The following IRF8 variants were observed in gnomAD, a reference collection of about 807,000 sequenced individuals.
IRF8 encodes interferon regulatory factor 8.
Under a neutral mutation model 48.7 loss-of-function variants are expected in IRF8, and 14 were observed. The observed-to-expected ratio is 0.29, with a 90% CI of 0.19 to 0.45. The LOEUF (loss-of-function observed/expected upper bound fraction) is 0.45. IRF8 is among the 20% of genes least tolerant of loss of function. The pLI is 1.00. For missense variants in IRF8, 493 were observed against 580.7 expected (o/e 0.85, Z 1.55); for synonymous variants, 278 against 227.3 (o/e 1.22, Z -2.01).
In IRF8 at chr16:85,903,073, A is replaced by G. The variant is rs1597249015; in HGVS notation, c.58A>G (p.Ser20Gly). 5 of 1,614,228 alleles carry G rather than the reference A, an allele frequency of 3.1e-6. No homozygotes were observed. Among genetic ancestry groups the G allele is most frequent in the Non-Finnish European group, 4.2e-6 (5 of 1,180,034 alleles). The change falls in exon 2 of 9, where the codon AGT (serine) becomes GGT (glycine). Residue 20 changes from serine (S) to glycine (G), a missense_variant. Physicochemically the swap from Ser to Gly is moderately conservative, Grantham distance 56. This residue lies in a region of IRF8 where 54 missense variants were observed against 59.9 expected (regional missense o/e 0.90). Transcript: ENST00000268638. Reference protein sequence around the residue: ...LRQWLIEQIDSSMYPGLIWEN... With the variant: ...LRQWLIEQIDGSMYPGLIWEN... ...ACAGTGGCTGATCGAGCAGATTGAC[A>G]GTAGCATGTATCCAGGACTGATTTG... is the stretch of plus-strand genomic sequence containing the variant.
At chr16:85,920,309 T>A in intron 8 of IRF8, 85 bp downstream of exon 8, 1 of 914,676 alleles carries the variant, frequency 1.1e-6, no homozygotes, top group Non-Finnish European at 1.7e-6. Context: ...TGCAATGGCG[T>A]GACCTTGGCT....
At position 85,911,632 on chromosome 16, in the gene IRF8, T is replaced by C. The variant is rs764339986; in HGVS notation, c.421T>C (p.Ser141Pro). Residue 141 changes from serine (S) to proline (P), a missense_variant, in exon 4 of 9, where the codon TCT (serine) becomes CCT (proline). Physicochemically the swap from Ser to Pro is moderately conservative, Grantham distance 74. Coordinates refer to ENST00000268638, the MANE Select transcript of IRF8 (RefSeq NM_002163.4). ...NEVTEMECGRSEIDELIKEPS... is the reference protein window; with the variant it reads ...NEVTEMECGRPEIDELIKEPS... The stretch of plus-strand genomic sequence containing the variant: ...AGTTACAGAGATGGAGTGCGGTCGC[T>C]CTGAAATCGACGAGCTGATCAAGGA... The C allele has an allele frequency of 3.7e-6, 6 of 1,613,900 alleles. No homozygotes were observed. The highest frequency in any genetic ancestry group is 1.7e-5 in the Admixed American group (1 of 60,004).
intron 1 of IRF8, chr16:85,902,640 T>A: frequency 6.2e-6 from 2 of 322,116 alleles, no homozygotes; most frequent in South Asian, 5.7e-5. Flanking sequence ...AACCTGGTGC[T>A]GTAAAAGTGA....
rs186190148 is a variant in IRF8 at position 85,918,927 on chromosome 16, A to G, written c.988+124A>G. 484 of 1,262,870 alleles carry G rather than the reference A, an allele frequency of 3.8e-4. 2 individuals are homozygous for G. The East Asian group carries it at 6.4e-3, about 17-fold the overall frequency. The allele number at this position is 1,262,870 out of a possible 1,614,324, so 78.2% of individuals were successfully genotyped here. On this transcript the variant is annotated intron_variant, in intron 7 of 8. Transcript: ENST00000268638. The stretch of plus-strand genomic sequence containing the variant: ...GGGATGTGGAGGAGGAGTGAGGGGC[A>G]TGGTGTGGCAAGGAGGTGCTCCTTT...
chr16:85,912,872 G>A (rs1905186812), intron 4 of IRF8, among the ~76,000 whole-genome samples: 1 of 152,226 alleles, frequency 6.6e-6, no homozygotes, highest in African/African-American at 2.4e-5. Flanking sequence ...CAACAGGCAG[G>A]TCGTGGAAAG....
intron 1 of IRF8, chr16:85,902,586 G>T (rs917886840): frequency 3.8e-6 from 1 of 259,984 alleles, no homozygotes; most frequent in African/African-American, 2.2e-5. Flanking sequence ...CTGGGCATCT[G>T]GTAGCCCAGT....
intron 8 of IRF8, 30 bp downstream of exon 8, chr16:85,920,254 T>A: frequency 7.4e-7 from 1 of 1,347,610 alleles, no homozygotes; most frequent in Admixed American, 1.8e-5. Flanking sequence ...TTTTTTTTTT[T>A]TTTTTTTTTT....
chr16:85,913,596 T>A (rs1283868789), intron 5 of IRF8, among the ~76,000 whole-genome samples: 1 of 152,214 alleles, frequency 6.6e-6, no homozygotes, highest in African/African-American at 2.4e-5. Flanking sequence ...GCCCCCTCCC[T>A]GGGTACTCCC....
At chr16:85,900,297 C>T (rs763417840) in intron 1 of IRF8, among the ~76,000 whole-genome samples, 1 of 152,200 alleles carries the variant, frequency 6.6e-6, no homozygotes, top group Non-Finnish European at 1.5e-5. Context: ...CCTGGAAAGC[C>T]TGACTGCTGT....
intron 2 of IRF8, among the ~76,000 whole-genome samples, chr16:85,905,985 G>A (rs1904988754): frequency 6.6e-6 from 1 of 152,142 alleles, no homozygotes; most frequent in African/African-American, 2.4e-5. Context: ...CCGACCCTGA[G>A]TACACTGATG....
At chr16:85,905,365 G>T (rs1904966263) in intron 2 of IRF8, among the ~76,000 whole-genome samples, 1 of 152,184 alleles carries the variant, frequency 6.6e-6, no homozygotes, top group African/African-American at 2.4e-5. Flanking sequence ...TGCTCGGGGG[G>T]TAATGAAATA....
intron 6 of IRF8, chr16:85,918,211 T>C (rs1468137544): frequency 8.5e-6 from 5 of 587,648 alleles, no homozygotes; most frequent in South Asian, 6.9e-5. Flanking sequence ...TGTTCAGTCA[T>C]TGGTTTCCTT....
At chr16:85,906,405 G>C (rs572520328) in intron 2 of IRF8, among the ~76,000 whole-genome samples, 1 of 152,206 alleles carries the variant, frequency 6.6e-6, no homozygotes, top group Non-Finnish European at 1.5e-5. Flanking sequence ...GAAGGATCTC[G>C]AGAGATCATC....
intron 2 of IRF8, among the ~76,000 whole-genome samples, chr16:85,907,865 T>G (rs1368368197): frequency 2.0e-5 from 3 of 152,192 alleles, no homozygotes; most frequent in Non-Finnish European, 4.4e-5. Flanking sequence ...GTGGGGAAAC[T>G]GTTGGGTTGG....
At chr16:85,903,426 G>C in intron 2 of IRF8, 1 of 534,704 alleles carries the variant, frequency 1.9e-6, no homozygotes, top group East Asian at 3.3e-5. Flanking sequence ...GGAGATCGAA[G>C]GCTCTTTTCT....
At chr16:85,916,007 A>G (rs917236254) in intron 6 of IRF8, among the ~76,000 whole-genome samples, 15 of 152,130 alleles carry the variant, frequency 9.9e-5, no homozygotes, top group Admixed American at 5.2e-4. Flanking sequence ...ACAGGGTTAA[A>G]TGTGCTGGTA....
intron 6 of IRF8, among the ~76,000 whole-genome samples, chr16:85,915,570 C>A (rs895608321): frequency 9.8e-5 from 15 of 152,356 alleles, no homozygotes; most frequent in African/African-American, 3.6e-4. Flanking sequence ...GAGACTGAGG[C>A]TGGGAGGTTC....
At chr16:85,906,058 G>T (rs1482510277) in intron 2 of IRF8, among the ~76,000 whole-genome samples, 1 of 152,152 alleles carries the variant, frequency 6.6e-6, no homozygotes, top group Non-Finnish European at 1.5e-5. Context: ...ATGACGACAA[G>T]GGGGGAAAAT....
In IRF8 at chr16:85,921,473, T is replaced by C. The variant is rs1905568149; in HGVS notation, c.*191T>C. On this transcript the variant is annotated 3_prime_UTR_variant, in exon 9 of 9. Transcript: ENST00000268638. Reference sequence around the variant, plus strand: ...AAGTGGCGGCATAGCCCTGCCGAGATGTCGGTGATGGCCTGGATGCTGTAA... The same window carrying C: ...AAGTGGCGGCATAGCCCTGCCGAGACGTCGGTGATGGCCTGGATGCTGTAA... 1.5e-6 allele frequency: 1 copy of C among 655,858 alleles called. No individual in the cohort carries two copies. Among genetic ancestry groups the C allele is most frequent in the Non-Finnish European group, 2.7e-6 (1 of 370,800 alleles). 40.6% of individuals were successfully genotyped at this position (655,858 alleles called of 1,614,324 possible).
Sources: allele counts gnomAD v4.1 joint callset (sites outside exome capture counted in the v4.1 genomes callset), GRCh38; gene constraint gnomAD v4.1.1; regional missense constraint gnomAD v4.1.1; transcripts MANE v1.5; gene names NCBI Gene and HGNC (gene_info 2026-07-23, HGNC 2026-07-21).